IP6K2: variants seen among roughly 807,000 people sequenced by gnomAD.
IP6K2 encodes the protein inositol hexakisphosphate kinase 2, also known as ATP:1D-myo-inositol-hexakisphosphate phosphotransferase.
A neutral mutation model predicts 43.3 loss-of-function variants in IP6K2; 9 were observed. The observed-to-expected ratio is 0.21, with a 90% CI of 0.13 to 0.36. IP6K2 has a LOEUF of 0.36. Ranked by LOEUF, IP6K2 falls within the 10% of genes least tolerant of loss-of-function variation. The pLI is 1.00. For synonymous variants in IP6K2, 209 were observed against 202.4 expected (o/e 1.03, Z -0.28); for missense variants, 332 against 538.4 (o/e 0.62, Z 3.79).
intron 1 of IP6K2, among the ~76,000 whole-genome samples, chr3:48,707,440 A>G (rs547115893): frequency 1.3e-5 from 2 of 151,930 alleles, no homozygotes; most frequent in Non-Finnish European, 2.9e-5. Context: ...TTCTGGTTTT[A>G]TTTTATCTTT....
At chr3:48,702,646 T>C (rs548761467) in intron 1 of IP6K2, among the ~76,000 whole-genome samples, 8 of 152,236 alleles carry the variant, frequency 5.3e-5, no homozygotes, top group African/African-American at 1.9e-4. Context: ...CTTCAGCCAC[T>C]CTATCTAAAA....
intron 3 of IP6K2, among the ~76,000 whole-genome samples, chr3:48,691,802 A>AT (rs1423364439): frequency 7.9e-4 from 116 of 147,008 alleles, no homozygotes; most frequent in African/African-American, 2.8e-3. Context: ...GAAAGACTCA[A>AT]AAAATAAATA....
intron 1 of IP6K2, among the ~76,000 whole-genome samples, chr3:48,709,940 A>C (rs1453267087): frequency 2.0e-5 from 3 of 152,196 alleles, no homozygotes; most frequent in African/African-American, 4.8e-5. Flanking sequence ...GTCCTGAGTT[A>C]GCTCTCCAAA....
intron 1 of IP6K2, among the ~76,000 whole-genome samples, chr3:48,707,362 C>T (rs993780300): frequency 6.6e-6 from 1 of 152,210 alleles, no homozygotes; most frequent in African/African-American, 2.4e-5. Context: ...AACCACAACA[C>T]CACAACACGC....
intron 3 of IP6K2, among the ~76,000 whole-genome samples, chr3:48,692,109 A>C (rs1226075795): frequency 6.6e-6 from 1 of 152,186 alleles, no homozygotes; most frequent in Non-Finnish European, 1.5e-5. Flanking sequence ...CTGGGATTAC[A>C]GGCATGAGCC....
At chr3:48,693,444 C>G in intron 2 of IP6K2, 1 of 1,381,966 alleles carries the variant, frequency 7.2e-7, no homozygotes, top group Non-Finnish European at 9.6e-7. Context: ...AATTACAAGA[C>G]ACATTTTTCC....
intron 2 of IP6K2, chr3:48,694,426 C>T (rs760869899): frequency 2.6e-6 from 4 of 1,548,092 alleles, no homozygotes; most frequent in Non-Finnish European, 1.7e-6. Flanking sequence ...AGGTAATGCA[C>T]ATTTAAAATT....
At chr3:48,713,642 G>A (rs572440895) in intron 1 of IP6K2, among the ~76,000 whole-genome samples, 1 of 152,330 alleles carries the variant, frequency 6.6e-6, no homozygotes, top group East Asian at 1.9e-4. Flanking sequence ...AAGTAAGATA[G>A]GTGGATACAT....
chr3:48,688,280 C>A lies in IP6K2; in HGVS notation c.1274G>T (p.Gly425Val). Residue 425 changes from glycine to valine, a missense_variant, in exon 6 of 6, where the codon GGG becomes GTG. Physicochemically the swap from Gly to Val is moderately radical, Grantham distance 109 (BLOSUM62 -3). Coordinates refer to ENST00000328631, the MANE Select transcript of IP6K2 (RefSeq NM_016291.4). This position sits in a 1 kb window ranked among gnomAD's most constrained non-coding sequence, Gnocchi z 5.1. Reference protein sequence around the residue: ...DIVTEISEESGE With the variant: ...DIVTEISEESVE Reference sequence around the variant, plus strand: ...CTGGAGCAGCTAGCAAGCTCACTCCCCACTCTCCTCACTTATCTCTGTGAC... The same window carrying A: ...CTGGAGCAGCTAGCAAGCTCACTCCACACTCTCCTCACTTATCTCTGTGAC... 1.2e-6 allele frequency: 2 copies of A among 1,613,256 alleles called. No individual in the cohort carries two copies. Among genetic ancestry groups the A allele is most frequent in the Non-Finnish European group, 8.5e-7 (1 of 1,179,248 alleles).
At chr3:48,706,073 G>C (rs1400646450) in intron 1 of IP6K2, among the ~76,000 whole-genome samples, 2 of 150,752 alleles carry the variant, frequency 1.3e-5, no homozygotes, top group African/African-American at 4.9e-5. Flanking sequence ...CGTGCATGGT[G>C]GTGGGCGCCT....
intron 5 of IP6K2, among the ~76,000 whole-genome samples, chr3:48,689,289 A>G (rs1204427744): frequency 6.6e-6 from 1 of 152,138 alleles, no homozygotes; most frequent in East Asian, 1.9e-4. Flanking sequence ...AGTAGCTGGT[A>G]TTACAGCCGT....
intron 1 of IP6K2, chr3:48,715,200 G>A: frequency 2.9e-6 from 3 of 1,038,538 alleles, no homozygotes; most frequent in Non-Finnish European, 4.3e-6. Flanking sequence ...TAATGTATAA[G>A]AGTGTGTTCA....
intron 1 of IP6K2, among the ~76,000 whole-genome samples, chr3:48,700,022 T>G (rs1158524668): frequency 6.6e-6 from 1 of 152,220 alleles, no homozygotes; most frequent in African/African-American, 2.4e-5. Context: ...AGACCTCAAC[T>G]CTATAAAATA....
chr3:48,711,003 G>T (rs2080446374), intron 1 of IP6K2, among the ~76,000 whole-genome samples: 1 of 152,086 alleles, frequency 6.6e-6, no homozygotes, highest in African/African-American at 2.4e-5. Flanking sequence ...TGCCTTCCTG[G>T]GTTCAAGTAA....
intron 1 of IP6K2, chr3:48,715,315 C>T (rs755072254): frequency 1.5e-4 from 225 of 1,536,020 alleles, no homozygotes; most frequent in Non-Finnish European, 1.9e-4. Context: ...AAATTTTCAC[C>T]TCAGTAAGCT....
rs2077518577 is a variant in IP6K2 at position 48,688,576 on chromosome 3, G to A, written c.978C>T (p.Phe326=). 3 of 1,614,122 alleles carry A rather than the reference G, an allele frequency of 1.9e-6. No individual in the cohort carries two copies. Among genetic ancestry groups the A allele is most frequent in the Admixed American group, 1.7e-5 (1 of 60,008 alleles). The change falls in exon 6 of 6, where the codon TTC becomes TTT. Residue 326 remains phenylalanine (F), a synonymous_variant. Transcript: ENST00000328631. The surrounding 1 kb of genome is among the most constrained non-coding windows in gnomAD (Gnocchi z 5.1). ...AAATGACCAGCAGGGAGCTTGAGTA[G>A]AAGCGGTAGGACTCCTGTCGCTCCA... ...AVLERQESYR[F]YSSSLLVIYD...
At chr3:48,712,229 C>CT (rs930652813) in intron 1 of IP6K2, among the ~76,000 whole-genome samples, 5 of 149,220 alleles carry the variant, frequency 3.4e-5, no homozygotes, top group Non-Finnish European at 7.4e-5. Flanking sequence ...GACCCTGTCT[C>CT]TACAAAAAAA....
chr3:48,711,950 G>C lies in IP6K2; in HGVS notation c.-131+5207C>G, dbSNP rs542675748. ...CAAACTGAACTTACCACCACCCCCTGCTGATGAGGAGGAAGGAACCATGGC... is the reference window on the plus strand; with the variant it reads ...CAAACTGAACTTACCACCACCCCCTCCTGATGAGGAGGAAGGAACCATGGC... On this transcript the variant is annotated intron_variant, in intron 1 of 5. Transcript: ENST00000328631. 3.1e-3 allele frequency among the ~76,000 whole-genome samples: 478 copies of C among 152,224 alleles called. 2 individuals are homozygous for C. The highest frequency in any genetic ancestry group is 4.8e-3 in the Non-Finnish European group (327 of 68,016).
chr3:48,714,384 T>C (rs1007523086), intron 1 of IP6K2, among the ~76,000 whole-genome samples: 6 of 150,398 alleles, frequency 4.0e-5, no homozygotes, highest in Non-Finnish European at 7.4e-5. Flanking sequence ...TTTCCTTTTT[T>C]TTGTGTGTGT....
Sources: gnomAD v4.1 joint callset for allele counts (sites outside exome capture counted in the v4.1 genomes callset) on GRCh38, gnomAD v4.1.1 for gene constraint, Gnocchi (gnomAD v3.1) non-coding constraint, MANE v1.5 for transcripts, NCBI Gene and HGNC (gene_info 2026-07-23, HGNC 2026-07-21) for gene names.